Variants in AGO3 observed in about 807,000 individuals in gnomAD.
AGO3 encodes argonaute RISC catalytic component 3, also known as protein argonaute-3.
A neutral mutation model predicts 105.5 loss-of-function variants in AGO3; 16 were observed. That is an observed-to-expected ratio of 0.15 (90% confidence interval 0.10 to 0.23). The LOEUF is 0.23. Among genes scored for constraint, AGO3 ranks in the 10% least tolerant of loss-of-function variants. AGO3 has a pLI of 1.00. For missense variants in AGO3, 534 were observed against 1,088.0 expected (o/e 0.49, Z 7.16); for synonymous variants, 340 against 367.3 (o/e 0.93, Z 0.85).
intron 12 of AGO3, among the ~76,000 whole-genome samples, chr1:36,033,664 A>C (rs1641884072): frequency 6.6e-6 from 1 of 151,146 alleles, no homozygotes; most frequent in South Asian, 2.1e-4. Context: ...AAAAAGTTAT[A>C]TACACCGAAA....
chr1:36,045,709 A>C (rs1305652164), intron 17 of AGO3, among the ~76,000 whole-genome samples: 1 of 151,616 alleles, frequency 6.6e-6, no homozygotes, highest in African/African-American at 2.4e-5. Context: ...CACGCGGCTA[A>C]TTTTTATATT....
intron 3 of AGO3, among the ~76,000 whole-genome samples, chr1:35,968,818 A>G (rs1055721419): frequency 3.3e-5 from 5 of 152,108 alleles, no homozygotes; most frequent in African/African-American, 1.2e-4. Flanking sequence ...TGTTTTCCAG[A>G]ATGGCTCCAT....
intron 13 of AGO3, 123 bp from the exon 14 acceptor site, chr1:36,036,049 AAAAAT>A: frequency 2.5e-6 from 2 of 787,070 alleles, no homozygotes; most frequent in South Asian, 2.1e-5. Flanking sequence ...AAAAAAAAAA[AAAAAT>A]TTGGATTACA....
At chr1:35,956,478 G>A (rs980831750) in intron 2 of AGO3, among the ~76,000 whole-genome samples, 13 of 152,152 alleles carry the variant, frequency 8.5e-5, no homozygotes, top group African/African-American at 2.9e-4. Flanking sequence ...AAAAACTGGG[G>A]AAGTATGTAA....
intron 5 of AGO3, among the ~76,000 whole-genome samples, chr1:36,002,819 C>T (rs1011437920): frequency 1.4e-5 from 2 of 145,556 alleles, no homozygotes; most frequent in African/African-American, 5.1e-5. Context: ...CTCCTGACCT[C>T]GTGATCCTCC....
chr1:35,989,685 G>A (rs745413410), intron 5 of AGO3, among the ~76,000 whole-genome samples: 7 of 151,994 alleles, frequency 4.6e-5, no homozygotes, highest in Admixed American at 6.6e-5. Context: ...GACCAGCCTG[G>A]GCAAGATGGT....
In AGO3 at chr1:36,069,462, G is replaced by A. The variant is rs1398194760; in HGVS notation, c.*13717G>A. The A allele has an allele frequency of 2.6e-5, 4 of 152,220 alleles. No individual in the cohort carries two copies. The highest frequency in any genetic ancestry group is 9.7e-5 in the African/African-American group (4 of 41,450). The allele number at this position is 152,220 out of a possible 1,614,324, so 9.4% of individuals were successfully genotyped here. A position where few individuals can be genotyped will look rare whatever the true frequency, so the allele number is the denominator to read the frequency against. ...TCTCCAAAGGAAAAGCTATTCAGAC[G>A]TTCAAGATAATAGAAGAGTGTTGTG... On this transcript the variant is annotated 3_prime_UTR_variant, in exon 19 of 19. Transcript: ENST00000373191.
intron 1 of AGO3, among the ~76,000 whole-genome samples, chr1:35,944,467 A>T (rs1209783798): frequency 6.7e-6 from 1 of 148,362 alleles, no homozygotes; most frequent in Non-Finnish European, 1.5e-5. Context: ...ACTTTTTTTC[A>T]CTTCTGTTAT....
At position 36,055,710 on chromosome 1, in the gene AGO3, C is replaced by G; in HGVS notation, c.2548C>G (p.His850Asp). The change falls in exon 19 of 19, where the codon CAC (histidine) becomes GAC (aspartate). Residue 850 changes from histidine to aspartate, a missense_variant. His to Asp is a moderately conservative substitution (Grantham distance 81). Around this residue, in one of 2 missense-constraint regions of AGO3, gnomAD observed 373 missense variants for 854.0 expected, o/e 0.44. Coordinates refer to ENST00000373191, the MANE Select transcript of AGO3 (RefSeq NM_024852.4). The surrounding 1 kb of genome is among the most constrained non-coding windows in gnomAD (Gnocchi z 4.4). ...AGCTCTTGCCAAGGCTGTACAGATT[C>G]ACCAAGATACCTTACGCACAATGTA... ...PQALAKAVQIHQDTLRTMYFA is the reference protein window; with the variant it reads ...PQALAKAVQIDQDTLRTMYFA The G allele has an allele frequency of 6.2e-7, 1 of 1,614,194 alleles. No individual in the cohort carries two copies. Among genetic ancestry groups the G allele is most frequent in the Non-Finnish European group, 8.5e-7 (1 of 1,180,042 alleles).
chr1:35,940,421 G>A (rs1646232964), intron 1 of AGO3, among the ~76,000 whole-genome samples: 1 of 152,176 alleles, frequency 6.6e-6, no homozygotes, highest in African/African-American at 2.4e-5. Flanking sequence ...GTGATTGATC[G>A]ATATGTCTTT....
intron 5 of AGO3, among the ~76,000 whole-genome samples, chr1:35,996,186 G>C (rs755595131): frequency 1.5e-4 from 23 of 151,842 alleles, no homozygotes; most frequent in Non-Finnish European, 2.8e-4. Flanking sequence ...TTAGCTGAGC[G>C]TGGTGGTGCA....
At chr1:35,981,395 A>C (rs543282615) in intron 5 of AGO3, among the ~76,000 whole-genome samples, 9 of 151,976 alleles carry the variant, frequency 5.9e-5, no homozygotes, top group Non-Finnish European at 1.3e-4. Flanking sequence ...TCTCTCCTCC[A>C]TTGTTCTGGT....
chr1:35,962,691 G>A (rs1396985671), intron 2 of AGO3, among the ~76,000 whole-genome samples: 1 of 152,084 alleles, frequency 6.6e-6, no homozygotes, highest in Non-Finnish European at 1.5e-5. Flanking sequence ...GATTAGTTAA[G>A]TATAAGCCGT....
rs543070477 is a variant in AGO3, at chr1:35,961,084, C to T, written c.192-5871C>T. On this transcript the variant is annotated intron_variant, in intron 2 of 18. Coordinates refer to ENST00000373191, the MANE Select transcript of AGO3 (RefSeq NM_024852.4). ...TCAGGCTCCCGAGTAGCTGGGACTACGGGCACCCGCCACCAAGCCCTGCTA... is the reference window on the plus strand; with the variant it reads ...TCAGGCTCCCGAGTAGCTGGGACTATGGGCACCCGCCACCAAGCCCTGCTA... 2.5e-3 allele frequency among the ~76,000 whole-genome samples: 381 copies of T among 151,508 alleles called. 1 individual carries two copies. Among genetic ancestry groups the T allele is most frequent in the Non-Finnish European group, 4.3e-3 (295 of 67,830 alleles).
At chr1:35,973,940 A>G (rs1052891362) in intron 5 of AGO3, among the ~76,000 whole-genome samples, 2 of 152,192 alleles carry the variant, frequency 1.3e-5, no homozygotes, top group Admixed American at 1.3e-4. Context: ...CTTACAAAAT[A>G]TTTTCAAGCT....
At chr1:36,046,623 TAA>T (rs3073806) in intron 17 of AGO3, among the ~76,000 whole-genome samples, 162 of 34,426 alleles carry the variant, frequency 4.7e-3, no homozygotes, top group African/African-American at 0.014. Context: ...AGTCTCTATT[TAA>T]AAAAAAAAAA....
At position 36,027,068 on chromosome 1, in the gene AGO3, T is replaced by C. The variant is rs1343614996; in HGVS notation, c.1407-46T>C. ...ACTTCCCATTACTACTTTGTAGGAA[T>C]TCATGACTAGACAAAGGTTTTATAT... is the stretch of plus-strand genomic sequence containing the variant. On this transcript the variant is annotated intron_variant, in intron 11 of 18. Transcript: ENST00000373191. This position sits in a 1 kb window ranked among gnomAD's most constrained non-coding sequence, Gnocchi z 4.0. 3.2e-6 allele frequency: 5 copies of C among 1,555,834 alleles called. No individual in the cohort carries two copies. The highest frequency in any genetic ancestry group is 4.4e-6 in the Non-Finnish European group (5 of 1,149,156).
chr1:36,050,434 C>G (rs907932561), intron 17 of AGO3, among the ~76,000 whole-genome samples: 1 of 150,682 alleles, frequency 6.6e-6, no homozygotes, highest in African/African-American at 2.4e-5. Flanking sequence ...TGCAGTAAAC[C>G]AAGATCACGC....
chr1:35,938,950 G>A (rs1261619366), intron 1 of AGO3, among the ~76,000 whole-genome samples: 1 of 151,980 alleles, frequency 6.6e-6, no homozygotes, highest in East Asian at 1.9e-4. Flanking sequence ...ATGGACACAT[G>A]TATGCTTTGG....
Sources: gnomAD v4.1 joint callset for allele counts (sites outside exome capture counted in the v4.1 genomes callset) on GRCh38, gnomAD v4.1.1 for gene constraint, gnomAD v4.1.1 regional missense constraint, Gnocchi (gnomAD v3.1) non-coding constraint, MANE v1.5 for transcripts, NCBI Gene and HGNC (gene_info 2026-07-23, HGNC 2026-07-21) for gene names.